Variants in FNDC1 observed in about 807,000 individuals in gnomAD.
FNDC1 encodes fibronectin type III domain containing 1.
FNDC1 carries 96 observed loss-of-function variants against 168.0 expected under a neutral mutation model. The ratio of observed to expected loss-of-function variants is 0.57; its 90% CI spans 0.48 to 0.68. The LOEUF is 0.68. Ranked by LOEUF, FNDC1 falls within the 30% of genes least tolerant of loss-of-function variation. The probability of loss-of-function intolerance (pLI) is 0.00; values close to 1 mark genes in which losing one functional copy is unlikely to be tolerated. For synonymous variants in FNDC1, 1,099 were observed against 1,025.9 expected (o/e 1.07, Z -1.36); for missense variants, 2,587 against 2,482.1 (o/e 1.04, Z -0.90).
intron 5 of FNDC1, among the ~76,000 whole-genome samples, chr6:159,216,598 T>C (rs1028195731): frequency 1.3e-5 from 2 of 152,150 alleles, no homozygotes; most frequent in African/African-American, 4.8e-5. Flanking sequence ...GCTTCTCTCA[T>C]TGGTGAGTTG....
intron 11 of FNDC1, among the ~76,000 whole-genome samples, chr6:159,235,842 T>C (rs1341843811): frequency 6.6e-6 from 1 of 152,226 alleles, no homozygotes; most frequent in Non-Finnish European, 1.5e-5. Context: ...CAGCATCTAG[T>C]ACATTTTAGA....
chr6:159,248,068 T>A (rs1777173529), intron 15 of FNDC1, among the ~76,000 whole-genome samples: 1 of 152,226 alleles, frequency 6.6e-6, no homozygotes, highest in Non-Finnish European at 1.5e-5. Flanking sequence ...TAAAGCTCGA[T>A]GTAGTGGTTT....
At chr6:159,223,212 G>A (rs1782873936) in intron 6 of FNDC1, among the ~76,000 whole-genome samples, 2 of 152,044 alleles carry the variant, frequency 1.3e-5, no homozygotes, top group African/African-American at 2.4e-5. Flanking sequence ...TAGCCAGGAT[G>A]GTCTTGATCT....
At chr6:159,265,689 G>A (rs1038639086) in intron 20 of FNDC1, among the ~76,000 whole-genome samples, 3 of 152,126 alleles carry the variant, frequency 2.0e-5, no homozygotes, top group Non-Finnish European at 2.9e-5. Context: ...TAGCACTTTG[G>A]GAGGCCAAGG....
At chr6:159,252,302 T>TC (rs1777284741) in intron 17 of FNDC1, among the ~76,000 whole-genome samples, 1 of 152,142 alleles carries the variant, frequency 6.6e-6, no homozygotes, top group Admixed American at 6.5e-5. Context: ...GAGGTAGCGG[T>TC]CGCATTAGAG....
In FNDC1 at chr6:159,233,800, C is replaced by A. The variant is rs377419969; in HGVS notation, c.3288C>A (p.His1096Gln). The A allele has an allele frequency of 8.4e-4, 1,285 of 1,536,796 alleles. 4 individuals are homozygous for A. Among genetic ancestry groups the A allele is most frequent in the African/African-American group, 4.7e-3 (344 of 72,706 alleles). The change falls in exon 11 of 23, where the codon CAC becomes CAA. Residue 1096 changes from histidine (H) to glutamine (Q), a missense_variant. Physicochemically the swap from His to Gln is conservative, Grantham distance 24 (BLOSUM62 0). Transcript: ENST00000297267. The surrounding 1 kb of genome is among the most constrained non-coding windows in gnomAD (Gnocchi z 4.6). ...CCCAGGATGTGCGGGCCCCCGCGCA[C>A]GCCGCGCGCGCCAAGGAGGCAGCTG... ...VEAQDVRAPAHAARAKEAAAS... is the reference protein window; with the variant it reads ...VEAQDVRAPAQAARAKEAAAS...
At chr6:159,238,745 T>A in intron 13 of FNDC1, 80 bp downstream of exon 13, 4 of 924,228 alleles carry the variant, frequency 4.3e-6, no homozygotes, top group Non-Finnish European at 6.5e-6. Context: ...CTTCTCCCCC[T>A]CATTTATAAT....
intron 1 of FNDC1, among the ~76,000 whole-genome samples, chr6:159,184,805 G>A (rs1339037525): frequency 6.6e-6 from 1 of 152,210 alleles, no homozygotes; most frequent in East Asian, 1.9e-4. Flanking sequence ...GCAAACAATG[G>A]TCATTCTTTA....
chr6:159,267,716 A>G (rs1777618674), intron 21 of FNDC1, 88 bp from the exon 22 acceptor site: 4 of 1,413,008 alleles, frequency 2.8e-6, no homozygotes, highest in Non-Finnish European at 2.9e-6. Flanking sequence ...CTGAATTCAA[A>G]CAGTCTCCAA....
intron 1 of FNDC1, among the ~76,000 whole-genome samples, chr6:159,188,746 C>CT (rs869093208): frequency 0.017 from 2,160 of 126,524 alleles, 24 homozygotes; most frequent in Middle Eastern, 0.038. Context: ...TTAATTTTTA[C>CT]TTTTTTTTTT....
At chr6:159,206,241 T>A (rs1167902574) in intron 4 of FNDC1, among the ~76,000 whole-genome samples, 2 of 152,242 alleles carry the variant, frequency 1.3e-5, no homozygotes, top group African/African-American at 4.8e-5. Context: ...TAATTATGAA[T>A]CAAAGACTGC....
intron 13 of FNDC1, among the ~76,000 whole-genome samples, chr6:159,239,223 T>C (rs386818): frequency 0.84 from 128,236 of 152,096 alleles, 54,540 homozygotes; most frequent in Non-Finnish European, 0.9. Context: ...CTATGAGGCT[T>C]AACATATTCG....
chr6:159,178,783 C>T (rs1218759885), intron 1 of FNDC1, among the ~76,000 whole-genome samples: 5 of 150,318 alleles, frequency 3.3e-5, no homozygotes, highest in Admixed American at 1.3e-4. Flanking sequence ...TCATGGCATG[C>T]AATTTGGCAT....
intron 15 of FNDC1, among the ~76,000 whole-genome samples, 171 bp from the exon 16 acceptor site, chr6:159,248,868 T>C (rs1279882798): frequency 6.6e-6 from 1 of 152,226 alleles, no homozygotes; most frequent in Non-Finnish European, 1.5e-5. Flanking sequence ...AGTATTTTAG[T>C]AGAAACAAAT....
intron 1 of FNDC1, among the ~76,000 whole-genome samples, chr6:159,191,669 T>C (rs966777886): frequency 6.6e-6 from 1 of 152,224 alleles, no homozygotes; most frequent in Non-Finnish European, 1.5e-5. Context: ...TGTTTCTAAA[T>C]GGTAGACTGA....
At chr6:159,260,418 A>G (rs1013608634) in intron 18 of FNDC1, among the ~76,000 whole-genome samples, 11 of 152,206 alleles carry the variant, frequency 7.2e-5, no homozygotes, top group Non-Finnish European at 1.5e-4. Flanking sequence ...CATGCTTTCC[A>G]GCACATTCTC....
At chr6:159,171,701 A>G (rs1194180114) in intron 1 of FNDC1, among the ~76,000 whole-genome samples, 3 of 152,206 alleles carry the variant, frequency 2.0e-5, no homozygotes, top group Non-Finnish European at 4.4e-5. Context: ...CATCCCTACA[A>G]TAGGATACTA....
chr6:159,170,972 G>C (rs967776964), intron 1 of FNDC1, among the ~76,000 whole-genome samples: 2 of 152,154 alleles, frequency 1.3e-5, no homozygotes, highest in African/African-American at 4.8e-5. Context: ...CAGAGTGCTG[G>C]AAGAGTTTTT....
At chr6:159,190,480 A>G (rs1376893075) in intron 1 of FNDC1, among the ~76,000 whole-genome samples, 1 of 152,108 alleles carries the variant, frequency 6.6e-6, no homozygotes, top group African/African-American at 2.4e-5. Flanking sequence ...GTGGGAATTC[A>G]TGGGGTGAGG....
Sources: allele counts gnomAD v4.1 joint callset (sites outside exome capture counted in the v4.1 genomes callset), GRCh38; gene constraint gnomAD v4.1.1; non-coding constraint Gnocchi (gnomAD v3.1); transcripts MANE v1.5; gene names NCBI Gene and HGNC (gene_info 2026-07-23, HGNC 2026-07-21).